The following ARHGAP21 variants were observed in gnomAD, a reference collection of about 807,000 sequenced individuals.
ARHGAP21 encodes the protein Rho GTPase activating protein 21.
ARHGAP21 carries 38 observed loss-of-function variants against 164.6 expected under a neutral mutation model. The observed-to-expected ratio is 0.23, with a 90% CI of 0.18 to 0.30. The LOEUF (loss-of-function observed/expected upper bound fraction) is 0.30. Ranked by LOEUF, ARHGAP21 falls within the 10% of genes least tolerant of loss-of-function variation. The pLI is 1.00. For synonymous variants in ARHGAP21, 766 were observed against 857.9 expected, an observed-to-expected ratio of 0.89 and a Z score of 1.87; for missense variants, 1,822 against 2,370.7, an observed-to-expected ratio of 0.77 and a Z score of 4.81.
rs140089703 is a variant in ARHGAP21 at position 24,597,192 on chromosome 10, C to T, written c.3334+255G>A. ...TTCAAAATGATAGGACCTGAATCCT[C>T]GGAGTCATTTAAATTTGTAATGTCT... On this transcript the variant is annotated intron_variant, in intron 16 of 25. Coordinates refer to ENST00000396432, the MANE Select transcript of ARHGAP21 (RefSeq NM_020824.4). 2.6e-4 allele frequency among the ~76,000 whole-genome samples: 39 copies of T among 151,822 alleles called. No homozygotes were observed. In the East Asian group the frequency reaches 2.9e-3, roughly 11 times the overall value.
intron 2 of ARHGAP21, among the ~76,000 whole-genome samples, chr10:24,695,252 C>T (rs1468274253): frequency 1.3e-5 from 2 of 151,972 alleles, no homozygotes; most frequent in African/African-American, 2.4e-5. Context: ...CTAGACCTAG[C>T]GATTTACTTC....
chr10:24,696,592 T>A (rs910736613), intron 2 of ARHGAP21, among the ~76,000 whole-genome samples: 6 of 152,130 alleles, frequency 3.9e-5, no homozygotes, highest in Admixed American at 1.3e-4. Flanking sequence ...AATGAGGCAC[T>A]ATGACCTAAC....
rs1280722332 is a variant in ARHGAP21, at chr10:24,590,361, G to C, written c.4150+864C>G. ...TTTACAAGAATCGGGGATTTCTGCA[G>C]ACAAGGCAGCTACAGTGTGGACAAC... On this transcript the variant is annotated intron_variant, in intron 24 of 25. Transcript: ENST00000396432. 6 of 1,535,236 alleles carry C rather than the reference G, an allele frequency of 3.9e-6. No homozygotes were observed. In the African/African-American group the frequency reaches 8.2e-5, roughly 21 times the overall value.
At chr10:24,605,814 G>A (rs1266944899) in intron 11 of ARHGAP21, 1 of 94,720 alleles carries the variant, frequency 1.1e-5, no homozygotes, top group Non-Finnish European at 2.9e-5. Flanking sequence ...AAATAGCCAG[G>A]AGAATTCTGA....
intron 24 of ARHGAP21, chr10:24,589,551 C>T (rs2076246478): frequency 2.3e-6 from 1 of 432,706 alleles, no homozygotes; most frequent in Non-Finnish European, 4.1e-6. Context: ...GAGCCCTGTG[C>T]TAAACAAAAA....
chr10:24,661,391 G>C (rs1037651561), intron 4 of ARHGAP21, among the ~76,000 whole-genome samples: 1 of 151,988 alleles, frequency 6.6e-6, no homozygotes, highest in South Asian at 2.1e-4. Flanking sequence ...GCAAACACTG[G>C]GTAAGTAAAA....
intron 4 of ARHGAP21, among the ~76,000 whole-genome samples, chr10:24,643,482 C>T (rs1837278698): frequency 6.6e-6 from 1 of 152,172 alleles, no homozygotes. Context: ...CTTTAGCCTT[C>T]TCCATTCTTC....
intron 4 of ARHGAP21, among the ~76,000 whole-genome samples, chr10:24,645,377 T>C (rs1376195348): frequency 1.3e-5 from 2 of 152,014 alleles, no homozygotes; most frequent in African/African-American, 4.8e-5. Flanking sequence ...AGTCAGGAGA[T>C]TGAGACCAGC....
At chr10:24,635,166 T>C (rs1836244594) in intron 4 of ARHGAP21, 63 bp from the exon 5 acceptor site, 4 of 1,022,444 alleles carry the variant, frequency 3.9e-6, no homozygotes, top group Admixed American at 2.6e-5. Context: ...TACCTAAATA[T>C]AAAATAGTAT....
At chr10:24,591,782 A>G in intron 22 of ARHGAP21, 99 bp from the exon 23 acceptor site, 2 of 1,600,946 alleles carry the variant, frequency 1.2e-6, no homozygotes, top group Non-Finnish European at 8.5e-7. Context: ...TCTTAGGGAA[A>G]GATATTACAA....
At chr10:24,618,249 C>G (rs1365350266) in intron 9 of ARHGAP21, among the ~76,000 whole-genome samples, 1 of 152,120 alleles carries the variant, frequency 6.6e-6, no homozygotes, top group Non-Finnish European at 1.5e-5. Flanking sequence ...CAGCCATTAT[C>G]TCAACAAATA....
At chr10:24,648,708 G>C in intron 4 of ARHGAP21, 1 of 710,612 alleles carries the variant, frequency 1.4e-6, no homozygotes, top group Non-Finnish European at 1.7e-6. Context: ...TGAACCCAGA[G>C]GCGCAGGCTG....
chr10:24,586,846 G>A (rs1026316206), intron 25 of ARHGAP21, among the ~76,000 whole-genome samples: 3 of 152,134 alleles, frequency 2.0e-5, no homozygotes, highest in Non-Finnish European at 2.9e-5. Context: ...CCAGAAGTTC[G>A]AGATCAGCCT....
chr10:24,716,197 C>T (rs1388331487), intron 2 of ARHGAP21, among the ~76,000 whole-genome samples: 1 of 152,216 alleles, frequency 6.6e-6, no homozygotes, highest in Non-Finnish European at 1.5e-5. Context: ...ACTCTCAACA[C>T]CTGCGTTCTA....
intron 2 of ARHGAP21, 105 bp from the exon 3 acceptor site, chr10:24,670,502 A>G (rs1840601340): frequency 3.2e-6 from 2 of 616,100 alleles, no homozygotes; most frequent in Non-Finnish European, 4.9e-6. Context: ...GATATGAACT[A>G]TTTTCTGATG....
At chr10:24,624,337 C>CTTTTTTTT (rs565872094) in intron 7 of ARHGAP21, among the ~76,000 whole-genome samples, 3,783 of 102,692 alleles carry the variant, frequency 0.037, 448 homozygotes, top group African/African-American at 0.084. Flanking sequence ...TGTTCTAGAA[C>CTTTTTTTT]TTTTTTTTTT....
At chr10:24,652,171 G>A (rs1052793603) in intron 4 of ARHGAP21, among the ~76,000 whole-genome samples, 7 of 109,468 alleles carry the variant, frequency 6.4e-5, no homozygotes, top group African/African-American at 2.4e-4. Flanking sequence ...TCAATCCCTG[G>A]AACAGAAGCA....
chr10:24,665,000 TC>T (rs1185390508), intron 4 of ARHGAP21, among the ~76,000 whole-genome samples: 2 of 152,016 alleles, frequency 1.3e-5, no homozygotes, highest in Non-Finnish European at 2.9e-5. Context: ...AGAAATATAT[TC>T]CCCCCCATAA....
At position 24,584,012 on chromosome 10, in the gene ARHGAP21, T is replaced by C. The variant is rs1272055194; in HGVS notation, c.*400A>G. The stretch of plus-strand genomic sequence containing the variant: ...ATAAAACGCATTCGTTTATTCAATG[T>C]AAGTAAGTTATCTAATTTTAACAAT... On this transcript the variant is annotated 3_prime_UTR_variant, in exon 26 of 26. Coordinates refer to ENST00000396432, the MANE Select transcript of ARHGAP21 (RefSeq NM_020824.4). The C allele has an allele frequency of 6.5e-6, 1 of 152,752 alleles. No homozygotes were observed. The highest frequency in any genetic ancestry group is 2.4e-5 in the African/African-American group (1 of 41,422). 9.5% of individuals were successfully genotyped at this position (152,752 alleles called of 1,614,324 possible).
Sources: gnomAD v4.1 joint callset for allele counts (sites outside exome capture counted in the v4.1 genomes callset) on GRCh38, gnomAD v4.1.1 for gene constraint, MANE v1.5 for transcripts, NCBI Gene and HGNC (gene_info 2026-07-23, HGNC 2026-07-21) for gene names.